Variants in HELZ observed in about 807,000 individuals in gnomAD.
HELZ encodes the protein helicase with zinc finger, also known as ATP-dependent RNA helicase with zinc finger domain.
Under a neutral mutation model 218.2 loss-of-function variants are expected in HELZ, and 23 were observed. The observed-to-expected ratio is 0.11, with a 90% CI of 0.08 to 0.15. The LOEUF (loss-of-function observed/expected upper bound fraction) is 0.15, where lower values mean the gene tolerates loss of function less well. Among genes scored for constraint, HELZ ranks in the 10% least tolerant of loss-of-function variants. The pLI is 1.00. For synonymous variants in HELZ, 814 were observed against 829.4 expected, an observed-to-expected ratio of 0.98 and a Z score of 0.32; for missense variants, 1,813 against 2,353.7, an observed-to-expected ratio of 0.77 and a Z score of 4.75.
rs2035986297 is a variant in HELZ at position 67,075,193 on chromosome 17, A to C, written c.*3059T>G. On this transcript the variant is annotated 3_prime_UTR_variant, in exon 33 of 33. Coordinates refer to ENST00000358691, the MANE Select transcript of HELZ (RefSeq NM_014877.4). ...CTCACTTTACAAACTCTATCATCCAAAATATCGTCTTTCAGGTTAAAAAAA... is the reference window on the plus strand; with the variant it reads ...CTCACTTTACAAACTCTATCATCCACAATATCGTCTTTCAGGTTAAAAAAA... The C allele has an allele frequency of 6.6e-6, 1 of 152,158 alleles. No homozygotes were observed. Among genetic ancestry groups the C allele is most frequent in the African/African-American group, 2.4e-5 (1 of 41,448 alleles). The allele number at this position is 152,158 out of a possible 1,614,324, so 9.4% of individuals were successfully genotyped here.
At chr17:67,204,476 T>C (rs1329503118) in intron 5 of HELZ, among the ~76,000 whole-genome samples, 1 of 152,148 alleles carries the variant, frequency 6.6e-6, no homozygotes, top group Non-Finnish European at 1.5e-5. Flanking sequence ...CCTCAGCACA[T>C]TCAGTATTTT....
intron 31 of HELZ, among the ~76,000 whole-genome samples, chr17:67,099,127 T>A (rs888635386): frequency 3.9e-5 from 6 of 152,244 alleles, no homozygotes; most frequent in Non-Finnish European, 8.8e-5. Context: ...TTCTCATTTC[T>A]TATTTATTCT....
chr17:67,128,975 G>C, intron 23 of HELZ, 120 bp from the exon 24 acceptor site: 1 of 735,582 alleles, frequency 1.4e-6, no homozygotes, highest in East Asian at 2.6e-5. Flanking sequence ...AAACCCAATA[G>C]TCATCTATGA....
chr17:67,221,231 C>G (rs578189858), intron 3 of HELZ, among the ~76,000 whole-genome samples: 32 of 152,284 alleles, frequency 2.1e-4, no homozygotes, highest in African/African-American at 7.7e-4. Flanking sequence ...GTCATTATCC[C>G]TAGTCCTCAC....
rs201230497 is a variant in HELZ, at chr17:67,108,629, G to T, written c.4587C>A (p.Ser1529Arg). 1 of 1,613,992 alleles carries T rather than the reference G, an allele frequency of 6.2e-7. No individual in the cohort carries two copies. The highest frequency in any genetic ancestry group is 2.2e-5 in the East Asian group (1 of 44,872). The change falls in exon 30 of 33, where the codon AGC becomes AGA. Residue 1529 changes from serine to arginine, a missense_variant. Ser to Arg is a moderately radical substitution (Grantham distance 110). Coordinates refer to ENST00000358691, the MANE Select transcript of HELZ (RefSeq NM_014877.4). This position sits in a 1 kb window ranked among gnomAD's most constrained non-coding sequence, Gnocchi z 4.1. ...SEHHAFLSQG[S>R]APYPHHHHPH... The stretch of plus-strand genomic sequence containing the variant: ...GATGGTGATGGTGTGGGTATGGAGC[G>T]CTGCCCTGACTGAGAAAGGCATGAT...
intron 13 of HELZ, among the ~76,000 whole-genome samples, chr17:67,177,577 G>T (rs1045978294): frequency 6.6e-6 from 1 of 150,804 alleles, no homozygotes; most frequent in African/African-American, 2.4e-5. Context: ...AGGAATCCAT[G>T]ATAATATAAA....
chr17:67,210,657 C>T (rs553154656), intron 5 of HELZ, among the ~76,000 whole-genome samples: 10 of 152,290 alleles, frequency 6.6e-5, no homozygotes, highest in Admixed American at 5.2e-4. Context: ...GGCACAGTGA[C>T]TCACACCTGT....
intron 28 of HELZ, among the ~76,000 whole-genome samples, chr17:67,112,040 T>C (rs1195750908): frequency 1.3e-5 from 2 of 152,198 alleles, no homozygotes; most frequent in South Asian, 2.1e-4. Flanking sequence ...AGATAAGGAC[T>C]GTGCTATTCT....
chr17:67,123,815 C>CTATGTGTG (rs1555605451), intron 25 of HELZ, 148 bp downstream of exon 25: 5 of 534,092 alleles, frequency 9.4e-6, no homozygotes, highest in Non-Finnish European at 1.7e-5. Context: ...TCCAAAGTGA[C>CTATGTGTG]TGTGTGTGTG....
At chr17:67,113,600 C>A (rs1456692271) in intron 28 of HELZ, among the ~76,000 whole-genome samples, 2 of 152,052 alleles carry the variant, frequency 1.3e-5, no homozygotes, top group Non-Finnish European at 2.9e-5. Flanking sequence ...GACTGGTGAT[C>A]AGGAAGTAAG....
At position 67,108,840 on chromosome 17, in the gene HELZ, G is replaced by T; in HGVS notation, c.4490-114C>A. 1 of 878,666 alleles carries T rather than the reference G, an allele frequency of 1.1e-6. No homozygotes were observed. Among genetic ancestry groups the T allele is most frequent in the Non-Finnish European group, 1.7e-6 (1 of 591,198 alleles). 54.4% of individuals were successfully genotyped at this position (878,666 alleles called of 1,614,324 possible). A position where few individuals can be genotyped will look rare whatever the true frequency, so the allele number is the denominator to read the frequency against. On this transcript the variant is annotated intron_variant, in intron 29 of 32. Transcript: ENST00000358691. The surrounding 1 kb of genome is among the most constrained non-coding windows in gnomAD (Gnocchi z 4.1). ...AGACAAAGGACGTAGCTACAAATTTGGTTTTGGTAAGAAGTAAATGTTTTC... is the reference window on the plus strand; with the variant it reads ...AGACAAAGGACGTAGCTACAAATTTTGTTTTGGTAAGAAGTAAATGTTTTC...
At chr17:67,140,097 A>C (rs2038275855) in intron 21 of HELZ, among the ~76,000 whole-genome samples, 2 of 152,214 alleles carry the variant, frequency 1.3e-5, no homozygotes, top group African/African-American at 4.8e-5. Context: ...TCAGCAGCCA[A>C]TGAACATCAG....
At chr17:67,122,368 A>G (rs1234070842) in intron 26 of HELZ, among the ~76,000 whole-genome samples, 3 of 152,062 alleles carry the variant, frequency 2.0e-5, no homozygotes, top group Non-Finnish European at 4.4e-5. Flanking sequence ...ACATGGTGAA[A>G]CCCCGCGTCT....
At chr17:67,079,760 T>C (rs897034155) in intron 32 of HELZ, among the ~76,000 whole-genome samples, 2 of 152,250 alleles carry the variant, frequency 1.3e-5, no homozygotes, top group African/African-American at 2.4e-5. Context: ...AATAATTATC[T>C]TGTTGTGGTT....
At chr17:67,244,628 C>T (rs2041421145) in intron 1 of HELZ, 1 of 896,088 alleles carries the variant, frequency 1.1e-6, no homozygotes, top group Admixed American at 6.5e-5. Flanking sequence ...GAGCCCTCCG[C>T]GGGGGAGGGA....
In HELZ at chr17:67,108,924, A is replaced by G. The variant is rs1175180092; in HGVS notation, c.4489+192T>C. On this transcript the variant is annotated intron_variant, in intron 29 of 32. Coordinates refer to ENST00000358691, the MANE Select transcript of HELZ (RefSeq NM_014877.4). This position sits in a 1 kb window ranked among gnomAD's most constrained non-coding sequence, Gnocchi z 4.1. The stretch of plus-strand genomic sequence containing the variant: ...ATGACAACTCTTCCTCACTTACATA[A>G]TGATGATCCTGACATCCACTGGATA... 6.6e-6 allele frequency among the ~76,000 whole-genome samples: 1 copy of G among 152,216 alleles called. No homozygotes were observed. Among genetic ancestry groups the G allele is most frequent in the Admixed American group, 6.5e-5 (1 of 15,278 alleles).
intron 31 of HELZ, among the ~76,000 whole-genome samples, chr17:67,105,284 C>T: frequency 6.6e-6 from 1 of 152,156 alleles, no homozygotes; most frequent in Admixed American, 6.5e-5. Context: ...TTTGCAGTTC[C>T]TCAAAAAGTT....
chr17:67,189,826 CTTCA>C, intron 10 of HELZ, 130 bp from the exon 11 acceptor site: 1 of 636,732 alleles, frequency 1.6e-6, no homozygotes, highest in South Asian at 2.1e-5. Context: ...TATTTTATAC[CTTCA>C]TTTTCAGTAA....
At chr17:67,095,925 G>A (rs974880861) in intron 31 of HELZ, among the ~76,000 whole-genome samples, 1 of 152,160 alleles carries the variant, frequency 6.6e-6, no homozygotes, top group Non-Finnish European at 1.5e-5. Flanking sequence ...AGGAATCACT[G>A]TCTGTGGCAG....
Sources: gnomAD v4.1 joint callset for allele counts (sites outside exome capture counted in the v4.1 genomes callset) on GRCh38, gnomAD v4.1.1 for gene constraint, Gnocchi (gnomAD v3.1) non-coding constraint, MANE v1.5 for transcripts, NCBI Gene and HGNC (gene_info 2026-07-23, HGNC 2026-07-21) for gene names.